Variants in SAMD12 observed in about 807,000 individuals in gnomAD.
SAMD12 encodes sterile alpha motif domain containing 12, also known as sterile alpha motif domain-containing protein 12.
In SAMD12, 9 loss-of-function variants were observed where a neutral mutation model predicts 15.0. The ratio of observed to expected loss-of-function variants is 0.60; its 90% confidence interval spans 0.36 to 1.05. The LOEUF is 1.05. SAMD12 is among the 50% of genes least tolerant of loss of function. The pLI is 0.01. For synonymous variants in SAMD12, 86 were observed against 90.1 expected, an observed-to-expected ratio of 0.96 and a Z score of 0.25; for missense variants, 230 against 234.2, an observed-to-expected ratio of 0.98 and a Z score of 0.12.
intron 2 of SAMD12, among the ~76,000 whole-genome samples, chr8:118,568,616 A>T (rs567237990): frequency 1.0e-3 from 156 of 152,338 alleles, no homozygotes; most frequent in African/African-American, 3.6e-3. Flanking sequence ...TTGAGAATTT[A>T]AAAAAATCAC....
intron 2 of SAMD12, among the ~76,000 whole-genome samples, chr8:118,476,647 C>A (rs28540236): frequency 0.14 from 21,173 of 152,088 alleles, 1,644 homozygotes; most frequent in African/African-American, 0.19. Context: ...ATAGAGGAGA[C>A]TAAAGGTGGC....
chr8:118,552,486 G>T (rs1197301343), intron 2 of SAMD12, among the ~76,000 whole-genome samples: 1 of 152,072 alleles, frequency 6.6e-6, no homozygotes, highest in Non-Finnish European at 1.5e-5. Flanking sequence ...AACCCTTCAT[G>T]CTAAAAACTC....
Position 118,508,380 on chromosome 8 carries a change from G to GA in SAMD12, c.193-68420dup, listed in dbSNP as rs556790103. Among the ~76,000 whole-genome samples the GA allele has an allele frequency of 6.6e-5, 10 of 151,656 alleles. No individual in the cohort carries two copies. In the East Asian group the frequency reaches 1.4e-3, roughly 21 times the overall value. ...ATGTACCCTAGAGCTTAAAGTATAA[G>GA]AAAAAAATAGAGAAAAAAAAGTAAT... On this transcript the variant is annotated intron_variant, in intron 2 of 3. Coordinates refer to ENST00000314727, the MANE Select transcript of SAMD12 (RefSeq NM_207506.3).
chr8:118,241,001 C>T lies in SAMD12; in HGVS notation c.434-43269G>A, dbSNP rs114272798. 6.2e-3 allele frequency among the ~76,000 whole-genome samples: 944 copies of T among 152,226 alleles called. 6 individuals are homozygous for T. The highest frequency in any genetic ancestry group is 0.019 in the African/African-American group (779 of 41,536). ...CCTTTACCAGCAGGAGCCAAGAGCT[C>T]GGCTTTACCTTCCCCTACAAACAAC... On this transcript the variant is annotated intron_variant, in intron 4 of 4. Transcript: ENST00000409003.
At chr8:118,433,783 G>C (rs917405824) in intron 3 of SAMD12, among the ~76,000 whole-genome samples, 16 of 152,154 alleles carry the variant, frequency 1.1e-4, no homozygotes, top group Non-Finnish European at 2.2e-4. Context: ...AAAGAGATAG[G>C]AAAGTAGATC....
At position 118,379,697 on chromosome 8, in the gene SAMD12, C is replaced by T. The variant is rs751200165; in HGVS notation, c.326G>A (p.Arg109Gln). The T allele has an allele frequency of 1.5e-5, 24 of 1,612,810 alleles. No individual in the cohort carries two copies. Among genetic ancestry groups the T allele is most frequent in the East Asian group, 4.5e-5 (2 of 44,854 alleles). Residue 109 changes from arginine to glutamine, a missense_variant, in exon 4 of 4, where the codon CGA (arginine) becomes CAA (glutamine). Arg to Gln is a conservative substitution (Grantham distance 43). Transcript: ENST00000314727. ...TTTGTCAGTAAGTCTCAGCAGGGCT[C>T]GCCCTGCAGGGTTTTAAGAAATAAA... ...ESFKQHDITG[R>Q]ALLRLTDKKL...
the SAMD12 span, among the ~76,000 whole-genome samples, chr8:118,180,563 T>TCG: frequency 6.7e-6 from 1 of 149,468 alleles, no homozygotes; most frequent in African/African-American, 2.5e-5. Context: ...TCTCTCTCTC[T>TCG]CGCTCTTTAT....
chr8:118,447,884 C>T (rs1363955608), intron 2 of SAMD12, among the ~76,000 whole-genome samples: 5 of 151,026 alleles, frequency 3.3e-5, no homozygotes, highest in African/African-American at 1.2e-4. Context: ...CGCCACCATG[C>T]GTGGCTAATT....
chr8:118,239,962 T>C (rs1812528645), intron 4 of SAMD12: 1 of 152,154 alleles, frequency 6.6e-6, no homozygotes, highest in Non-Finnish European at 1.5e-5. Flanking sequence ...GATATCTCCA[T>C]ATTCCTGAAT....
intron 4 of SAMD12, among the ~76,000 whole-genome samples, chr8:118,368,716 G>C (rs1313243078): frequency 6.6e-6 from 1 of 152,178 alleles, no homozygotes; most frequent in Non-Finnish European, 1.5e-5. Context: ...AAATGAAATA[G>C]AGGAAGAAAA....
intron 4 of SAMD12, among the ~76,000 whole-genome samples, chr8:118,199,892 T>G (rs1819664910): frequency 6.6e-6 from 1 of 152,168 alleles, no homozygotes; most frequent in African/African-American, 2.4e-5. Flanking sequence ...TATATCCAAA[T>G]GATATGGTTT....
intron 4 of SAMD12, among the ~76,000 whole-genome samples, chr8:118,272,795 C>T (rs1431030137): frequency 6.6e-6 from 1 of 152,162 alleles, no homozygotes; most frequent in Admixed American, 6.5e-5. Flanking sequence ...CCATCTCAGC[C>T]TGGAATTCAT....
intron 4 of SAMD12, among the ~76,000 whole-genome samples, chr8:118,261,134 T>C (rs1474718261): frequency 6.6e-6 from 1 of 152,140 alleles, no homozygotes; most frequent in Non-Finnish European, 1.5e-5. Flanking sequence ...AAAAGCTGTT[T>C]TCATCAAAGG....
chr8:118,562,310 G>A (rs1440544143), intron 2 of SAMD12, among the ~76,000 whole-genome samples: 4 of 152,172 alleles, frequency 2.6e-5, no homozygotes, highest in African/African-American at 9.7e-5. Flanking sequence ...GATAAGGATC[G>A]GCTGTCACTG....
intron 2 of SAMD12, among the ~76,000 whole-genome samples, chr8:118,468,781 A>T (rs1018370311): frequency 6.6e-6 from 1 of 152,108 alleles, no homozygotes; most frequent in Non-Finnish European, 1.5e-5. Flanking sequence ...TAGTTTATCC[A>T]TGGGTGTATT....
At chr8:118,139,215 TAAA>T in the SAMD12 span, among the ~76,000 whole-genome samples, 1 of 140,366 alleles carries the variant, frequency 7.1e-6, no homozygotes. Context: ...TGGCAGACAT[TAAA>T]AAAAAAAAAA....
chr8:118,318,355 T>TATATATATATATAC (rs1554630371), intron 4 of SAMD12, among the ~76,000 whole-genome samples: 1 of 110,830 alleles, frequency 9.0e-6, no homozygotes, highest in African/African-American at 3.2e-5. Context: ...TATATATATA[T>TATATATATATATAC]ACATATATAC....
At chr8:118,518,638 C>T (rs553239617) in intron 2 of SAMD12, among the ~76,000 whole-genome samples, 4 of 152,280 alleles carry the variant, frequency 2.6e-5, no homozygotes, top group Admixed American at 6.5e-5. Context: ...TAGCAACATA[C>T]GAGCCCCAGT....
At chr8:118,459,406 T>C (rs1027297005) in intron 2 of SAMD12, among the ~76,000 whole-genome samples, 1 of 152,204 alleles carries the variant, frequency 6.6e-6, no homozygotes, top group African/African-American at 2.4e-5. Context: ...ACTTTGCAGT[T>C]CCTATTTGCA....
Sources: gnomAD v4.1 joint callset for allele counts (sites outside exome capture counted in the v4.1 genomes callset) on GRCh38, gnomAD v4.1.1 for gene constraint, MANE v1.5 for transcripts, NCBI Gene and HGNC (gene_info 2026-07-23, HGNC 2026-07-21) for gene names.